LCLAT1: variants seen among roughly 807,000 people sequenced by gnomAD.
LCLAT1 encodes 1-AGP acyltransferase 8.
Under a neutral mutation model 30.7 loss-of-function variants are expected in LCLAT1, and 11 were observed. The observed-to-expected ratio is 0.36, with a 90% CI of 0.23 to 0.59. The LOEUF is 0.59. LCLAT1 is among the 20% of genes least tolerant of loss of function. LCLAT1 has a pLI of 0.77. For missense variants in LCLAT1, 402 were observed against 458.6 expected, an observed-to-expected ratio of 0.88 and a Z score of 1.13; for synonymous variants, 155 against 151.3, an observed-to-expected ratio of 1.02 and a Z score of -0.18.
chr2:30,585,490 C>A (rs1666395247), intron 5 of LCLAT1, among the ~76,000 whole-genome samples: 1 of 152,144 alleles, frequency 6.6e-6, no homozygotes. Context: ...TAACTCATGC[C>A]AGTTCCATGA....
chr2:30,490,199 ATTTTTTTTT>A (rs772695376), intron 1 of LCLAT1, among the ~76,000 whole-genome samples: 3 of 121,442 alleles, frequency 2.5e-5, no homozygotes, highest in Middle Eastern at 4.2e-3. Flanking sequence ...GGCTACTCTG[ATTTTTTTTT>A]TTTTTTTTTT....
intron 3 of LCLAT1, among the ~76,000 whole-genome samples, chr2:30,551,920 C>T (rs972288565): frequency 2.0e-5 from 3 of 152,164 alleles, no homozygotes; most frequent in African/African-American, 4.8e-5. Flanking sequence ...ACATTGGGCC[C>T]ACTAGAATAA....
At chr2:30,558,621 T>C (rs891977825) in intron 3 of LCLAT1, among the ~76,000 whole-genome samples, 3 of 139,720 alleles carry the variant, frequency 2.1e-5, no homozygotes, top group Admixed American at 7.2e-5. Flanking sequence ...AAAAAAAAGG[T>C]GTCCAGCATT....
At chr2:30,484,471 A>C (rs1035253350) in intron 1 of LCLAT1, among the ~76,000 whole-genome samples, 16 of 151,988 alleles carry the variant, frequency 1.1e-4, no homozygotes, top group African/African-American at 3.6e-4. Context: ...GAGACTTTTA[A>C]ATTTTGGGGG....
intron 1 of LCLAT1, among the ~76,000 whole-genome samples, chr2:30,512,547 G>A (rs1371430847): frequency 6.6e-6 from 1 of 152,132 alleles, no homozygotes; most frequent in Admixed American, 6.5e-5. Context: ...CCTCTTTGTG[G>A]CATAATCTTG....
At chr2:30,483,933 A>G (rs1683443180) in intron 1 of LCLAT1, among the ~76,000 whole-genome samples, 4 of 151,830 alleles carry the variant, frequency 2.6e-5, no homozygotes, top group Admixed American at 1.3e-4. Flanking sequence ...ATTTTTTTTT[A>G]CCTTTTAGAA....
chr2:30,488,703 C>T (rs955974789), intron 1 of LCLAT1, among the ~76,000 whole-genome samples: 1 of 152,198 alleles, frequency 6.6e-6, no homozygotes, highest in African/African-American at 2.4e-5. Flanking sequence ...ATTTAGACCC[C>T]TTTCCCTAGA....
At chr2:30,487,261 G>T (rs1304514055) in intron 1 of LCLAT1, among the ~76,000 whole-genome samples, 1 of 152,194 alleles carries the variant, frequency 6.6e-6, no homozygotes, top group Non-Finnish European at 1.5e-5. Context: ...AATCTTTAAA[G>T]CATAGATACT....
chr2:30,554,053 AAAAG>A (rs1343163057), intron 3 of LCLAT1, among the ~76,000 whole-genome samples: 1 of 152,226 alleles, frequency 6.6e-6, no homozygotes, highest in African/African-American at 2.4e-5. Flanking sequence ...TATCGGGAAA[AAAAG>A]AGAAAAACAT....
intron 1 of LCLAT1, among the ~76,000 whole-genome samples, chr2:30,515,842 T>G (rs1207710860): frequency 1.3e-5 from 2 of 152,222 alleles, no homozygotes; most frequent in Admixed American, 6.5e-5. Context: ...ATATTTAATT[T>G]GTCAGTTATT....
chr2:30,539,520 C>T (rs1664017404), intron 3 of LCLAT1, among the ~76,000 whole-genome samples: 1 of 152,106 alleles, frequency 6.6e-6, no homozygotes, highest in Admixed American at 6.5e-5. Context: ...ACTGTTTTAA[C>T]AGGCTTGGCT....
intron 1 of LCLAT1, among the ~76,000 whole-genome samples, chr2:30,525,040 T>TA (rs11408146): frequency 0.7 from 104,564 of 148,686 alleles, 38,272 homozygotes; most frequent in East Asian, 0.85. Context: ...GGTTTTATGT[T>TA]AAAAAAAAAA....
intron 5 of LCLAT1, among the ~76,000 whole-genome samples, chr2:30,612,617 A>G (rs1489247443): frequency 6.6e-6 from 1 of 152,222 alleles, no homozygotes; most frequent in South Asian, 2.1e-4. Context: ...GCAGAACTAC[A>G]GAGTATCTAA....
chr2:30,465,728 T>G (rs1444495627), intron 1 of LCLAT1, among the ~76,000 whole-genome samples: 3 of 152,198 alleles, frequency 2.0e-5, no homozygotes, highest in African/African-American at 7.2e-5. Context: ...TAAGGAAATA[T>G]TTTGACTTTT....
At chr2:30,588,321 A>T (rs1285148896) in intron 5 of LCLAT1, among the ~76,000 whole-genome samples, 1 of 152,210 alleles carries the variant, frequency 6.6e-6, no homozygotes, top group East Asian at 1.9e-4. Context: ...ATCCTTGGGG[A>T]TAAACACCTT....
chr2:30,594,347 C>T (rs1008335072), intron 5 of LCLAT1, among the ~76,000 whole-genome samples: 2 of 152,092 alleles, frequency 1.3e-5, no homozygotes, highest in Admixed American at 6.6e-5. Context: ...AGGCTTACAG[C>T]GAACACCCAT....
chr2:30,639,003 G>A (rs13414186), intron 5 of LCLAT1, among the ~76,000 whole-genome samples: 4 of 151,938 alleles, frequency 2.6e-5, no homozygotes, highest in Admixed American at 6.5e-5. Flanking sequence ...GTCACTGCCC[G>A]CAGAGAGTAA....
chr2:30,494,146 C>T (rs1396322312), intron 1 of LCLAT1, among the ~76,000 whole-genome samples: 1 of 152,094 alleles, frequency 6.6e-6, no homozygotes, highest in Non-Finnish European at 1.5e-5. Flanking sequence ...TCACTTGACT[C>T]CAGGAGTTTG....
chr2:30,531,125 T>C (rs766492346), intron 2 of LCLAT1, among the ~76,000 whole-genome samples: 4 of 151,774 alleles, frequency 2.6e-5, no homozygotes, highest in Non-Finnish European at 4.4e-5. Context: ...ATTAGCTGGG[T>C]GTGGTGGCGG....
Sources: allele counts gnomAD v4.1 joint callset (sites outside exome capture counted in the v4.1 genomes callset), GRCh38; gene constraint gnomAD v4.1.1; transcripts MANE v1.5; gene names NCBI Gene and HGNC (gene_info 2026-07-23, HGNC 2026-07-21).